The following XKR9 variants were observed in gnomAD, a reference collection of about 807,000 sequenced individuals.
XKR9 encodes the protein XK related 9.
Under a neutral mutation model 32.0 loss-of-function variants are expected in XKR9, and 32 were observed. That is an observed-to-expected ratio of 1.00 (90% CI 0.76 to 1.34). The LOEUF (loss-of-function observed/expected upper bound fraction) is 1.34. Ranked by LOEUF, XKR9 falls within the 40% of genes most tolerant of loss-of-function variation. XKR9 has a pLI of 0.00. For synonymous variants in XKR9, 168 were observed against 143.4 expected (o/e 1.17, Z -1.22); for missense variants, 546 against 429.7 (o/e 1.27, Z -2.39).
At chr8:70,885,990 G>A in the XKR9 span, among the ~76,000 whole-genome samples, 3 of 151,904 alleles carry the variant, frequency 2.0e-5, no homozygotes, top group African/African-American at 7.3e-5. Flanking sequence ...TTCTGCACCC[G>A]TCAACCCATC....
chr8:70,813,272 C>T, the XKR9 span, among the ~76,000 whole-genome samples: 20 of 152,200 alleles, frequency 1.3e-4, no homozygotes, highest in Non-Finnish European at 4.4e-5. Context: ...CCCTTCTTAA[C>T]ACCTTATACA....
chr8:70,872,976 T>C, the XKR9 span, among the ~76,000 whole-genome samples: 1 of 152,138 alleles, frequency 6.6e-6, no homozygotes, highest in Non-Finnish European at 1.5e-5. Context: ...GGTACTTAGG[T>C]TGAAGCTAGT....
the XKR9 span, among the ~76,000 whole-genome samples, chr8:71,011,924 C>G: frequency 6.6e-6 from 1 of 152,100 alleles, no homozygotes; most frequent in Non-Finnish European, 1.5e-5. Flanking sequence ...GAAATTTATA[C>G]AAAACCTAGG....
chr8:70,749,528 T>G (rs1255631079), intron 2 of XKR9, among the ~76,000 whole-genome samples: 1 of 150,334 alleles, frequency 6.7e-6, no homozygotes, highest in Non-Finnish European at 1.5e-5. Flanking sequence ...TCACATGGAG[T>G]CGGCATCTGT....
the XKR9 span, among the ~76,000 whole-genome samples, chr8:70,911,545 T>C: frequency 6.6e-6 from 1 of 152,234 alleles, no homozygotes; most frequent in African/African-American, 2.4e-5. Context: ...ATTCTTTTAC[T>C]TCTCACATAT....
chr8:70,938,059 G>T, the XKR9 span, among the ~76,000 whole-genome samples: 3 of 151,972 alleles, frequency 2.0e-5, no homozygotes, highest in Non-Finnish European at 4.4e-5. Context: ...ACAGGTTAAA[G>T]TGGCAAAATG....
chr8:70,798,349 C>G, the XKR9 span, among the ~76,000 whole-genome samples: 51 of 151,954 alleles, frequency 3.4e-4, no homozygotes, highest in African/African-American at 1.2e-3. Context: ...GTCACATTTG[C>G]CTTCTTTTGA....
intron 2 of XKR9, among the ~76,000 whole-genome samples, chr8:70,742,614 A>C (rs1387706715): frequency 6.6e-6 from 1 of 152,094 alleles, no homozygotes; most frequent in African/African-American, 2.4e-5. Flanking sequence ...TTTTTTTTAA[A>C]TCTGAACATA....
the XKR9 span, among the ~76,000 whole-genome samples, chr8:70,856,332 C>G: frequency 6.6e-6 from 1 of 152,164 alleles, no homozygotes; most frequent in Non-Finnish European, 1.5e-5. Flanking sequence ...CAATCCTAGT[C>G]TCTGATAAAA....
chr8:70,670,793 A>C (rs1419804091), intron 1 of XKR9: 1 of 152,232 alleles, frequency 6.6e-6, no homozygotes, highest in Non-Finnish European at 1.5e-5. Context: ...TATACCCTTC[A>C]AAAAATACTT....
the XKR9 span, among the ~76,000 whole-genome samples, chr8:70,859,547 A>G: frequency 1.3e-5 from 2 of 152,160 alleles, no homozygotes; most frequent in African/African-American, 2.4e-5. Context: ...CTGCATTCCT[A>G]TATTTATTGC....
At chr8:70,692,616 T>C (rs1034834804) in intron 3 of XKR9, among the ~76,000 whole-genome samples, 4 of 152,132 alleles carry the variant, frequency 2.6e-5, no homozygotes, top group African/African-American at 9.7e-5. Flanking sequence ...TTTGCTCTTG[T>C]TGCCCAGGCT....
At chr8:70,832,147 A>T in the XKR9 span, among the ~76,000 whole-genome samples, 2 of 152,176 alleles carry the variant, frequency 1.3e-5, no homozygotes. Context: ...TTTATAAATG[A>T]ATACATTGCT....
At chr8:70,878,315 T>G in the XKR9 span, among the ~76,000 whole-genome samples, 1 of 152,232 alleles carries the variant, frequency 6.6e-6, no homozygotes, top group East Asian at 1.9e-4. Context: ...ATATTAACCT[T>G]AAATGTAAAT....
the XKR9 span, among the ~76,000 whole-genome samples, chr8:70,849,743 G>A: frequency 0.32 from 48,442 of 151,914 alleles, 9,075 homozygotes; most frequent in Non-Finnish European, 0.43. Context: ...AAGAAGAAAA[G>A]AGAGAAGAAT....
At chr8:71,019,139 C>T in the XKR9 span, among the ~76,000 whole-genome samples, 1 of 151,448 alleles carries the variant, frequency 6.6e-6, no homozygotes, top group South Asian at 2.1e-4. Context: ...CTTTCCTTCT[C>T]CTTTTTTTTT....
the XKR9 span, among the ~76,000 whole-genome samples, chr8:70,914,837 C>T: frequency 1.3e-5 from 2 of 152,164 alleles, no homozygotes; most frequent in Admixed American, 6.5e-5. Flanking sequence ...ACTATGTAAT[C>T]ACCAAATGGA....
At chr8:70,864,248 T>G in the XKR9 span, among the ~76,000 whole-genome samples, 1 of 152,208 alleles carries the variant, frequency 6.6e-6, no homozygotes, top group African/African-American at 2.4e-5. Flanking sequence ...GCTTGGAGTT[T>G]AAAAGGAAAA....
At chr8:70,711,751 C>T (rs1421573867) in intron 4 of XKR9, among the ~76,000 whole-genome samples, 1 of 75,564 alleles carries the variant, frequency 1.3e-5, no homozygotes, top group African/African-American at 4.0e-5. Flanking sequence ...ATGTAAAAAA[C>T]CTGCACACGT....
Sources: gnomAD v4.1 joint callset for allele counts (sites outside exome capture counted in the v4.1 genomes callset) on GRCh38, gnomAD v4.1.1 for gene constraint, MANE v1.5 for transcripts, NCBI Gene and HGNC (gene_info 2026-07-23, HGNC 2026-07-21) for gene names.